Variants in RBPJ observed in about 807,000 individuals in gnomAD.
The protein encoded by RBPJ is recombining binding protein suppressor of hairless.
Under a neutral mutation model 67.8 loss-of-function variants are expected in RBPJ, and 9 were observed. The observed-to-expected ratio is 0.13, with a 90% CI of 0.08 to 0.23. The LOEUF is 0.23. Ranked by LOEUF, RBPJ falls within the 10% of genes least tolerant of loss-of-function variation. The pLI is 1.00. For missense variants in RBPJ, 305 were observed against 595.6 expected (o/e 0.51, Z 5.08); for synonymous variants, 198 against 203.3 (o/e 0.97, Z 0.22).
intron 1 of RBPJ, among the ~76,000 whole-genome samples, chr4:26,273,269 C>T (rs760577772): frequency 4.6e-5 from 7 of 152,202 alleles, no homozygotes; most frequent in Non-Finnish European, 8.8e-5. Context: ...CCTGAGCTGA[C>T]ATTAAAGAGA....
At chr4:26,140,804 C>T in the RBPJ span, among the ~76,000 whole-genome samples, 13 of 148,730 alleles carry the variant, frequency 8.7e-5, no homozygotes, top group African/African-American at 2.8e-4. Flanking sequence ...AGTGGATGCC[C>T]GAGCCCAATC....
intron 1 of RBPJ, among the ~76,000 whole-genome samples, chr4:26,261,124 G>A (rs1720516811): frequency 6.6e-6 from 1 of 152,102 alleles, no homozygotes; most frequent in Admixed American, 6.6e-5. Flanking sequence ...GTTTGGGAAT[G>A]GAAGAAAATA....
At chr4:26,301,115 T>C (rs2109299370) in intron 1 of RBPJ, among the ~76,000 whole-genome samples, 1 of 152,360 alleles carries the variant, frequency 6.6e-6, no homozygotes, top group East Asian at 1.9e-4. Flanking sequence ...ATGTTACATG[T>C]GTTACTTATT....
At chr4:26,212,035 C>T (rs1718442721) in intron 1 of RBPJ, among the ~76,000 whole-genome samples, 1 of 152,132 alleles carries the variant, frequency 6.6e-6, no homozygotes, top group Non-Finnish European at 1.5e-5. Context: ...AACAGAGCAT[C>T]CCTCAGAGCC....
intron 1 of RBPJ, among the ~76,000 whole-genome samples, chr4:26,352,448 T>G (rs1481108828): frequency 6.6e-6 from 1 of 152,176 alleles, no homozygotes; most frequent in East Asian, 1.9e-4. Flanking sequence ...GGTCAGGATT[T>G]CAATATATCT....
At chr4:26,193,111 G>A (rs1157631271) in intron 1 of RBPJ, among the ~76,000 whole-genome samples, 1 of 152,178 alleles carries the variant, frequency 6.6e-6, no homozygotes, top group African/African-American at 2.4e-5. Flanking sequence ...GTGCAGCCCT[G>A]CTGACGTGGC....
intron 1 of RBPJ, among the ~76,000 whole-genome samples, chr4:26,299,087 G>A (rs1446208574): frequency 2.0e-5 from 3 of 152,126 alleles, no homozygotes; most frequent in African/African-American, 4.8e-5. Flanking sequence ...AAGGAATGTA[G>A]CAAGGACATA....
At chr4:26,189,366 G>A (rs1211406237) in intron 1 of RBPJ, among the ~76,000 whole-genome samples, 1 of 152,152 alleles carries the variant, frequency 6.6e-6, no homozygotes, top group Non-Finnish European at 1.5e-5. Flanking sequence ...AGTAGAAAAT[G>A]TATGATTTTG....
intron 1 of RBPJ, among the ~76,000 whole-genome samples, chr4:26,336,655 C>CAAA (rs11394703): frequency 3.6e-5 from 5 of 137,956 alleles, no homozygotes; most frequent in Non-Finnish European, 3.1e-5. Context: ...GTTTCTTTAC[C>CAAA]AAAAAAAAAA....
chr4:26,331,144 A>G (rs1208577773), intron 1 of RBPJ, among the ~76,000 whole-genome samples: 5 of 152,182 alleles, frequency 3.3e-5, no homozygotes, highest in African/African-American at 1.2e-4. Context: ...GCTGTCACGT[A>G]GGCTAGAATG....
At chr4:26,380,386 C>A (rs894267817) in intron 1 of RBPJ, among the ~76,000 whole-genome samples, 1 of 152,062 alleles carries the variant, frequency 6.6e-6, no homozygotes, top group African/African-American at 2.4e-5. Context: ...CTATAATTGT[C>A]CCCCTACTAG....
chr4:26,406,376 T>A (rs1027127791), intron 3 of RBPJ, 106 bp downstream of exon 3: 2 of 697,916 alleles, frequency 2.9e-6, no homozygotes, highest in African/African-American at 3.6e-5. Context: ...TGGGTTCATT[T>A]GCTAGTACAA....
At chr4:26,306,524 A>C (rs1219671121) in intron 1 of RBPJ, among the ~76,000 whole-genome samples, 1 of 151,888 alleles carries the variant, frequency 6.6e-6, no homozygotes. Flanking sequence ...ATCTCCGCTC[A>C]CTGCAACCTC....
At chr4:26,222,820 CAT>C (rs1048921251) in intron 1 of RBPJ, among the ~76,000 whole-genome samples, 24 of 151,966 alleles carry the variant, frequency 1.6e-4, no homozygotes, top group Non-Finnish European at 3.4e-4. Context: ...GTGCATAAAA[CAT>C]ATAATCCTTT....
At chr4:26,292,613 G>A (rs1721708349) in intron 1 of RBPJ, among the ~76,000 whole-genome samples, 2 of 150,082 alleles carry the variant, frequency 1.3e-5, no homozygotes, top group South Asian at 4.2e-4. Context: ...GTAGAGACGA[G>A]GTTTCACCAT....
At chr4:26,263,580 T>G (rs1334795876) in intron 1 of RBPJ, among the ~76,000 whole-genome samples, 2 of 152,182 alleles carry the variant, frequency 1.3e-5, no homozygotes, top group African/African-American at 2.4e-5. Flanking sequence ...GTTTTTTGGT[T>G]GTTGTTTTTG....
intron 1 of RBPJ, chr4:26,362,403 C>A: frequency 7.9e-7 from 1 of 1,260,916 alleles, no homozygotes; most frequent in Non-Finnish European, 1.0e-6. Flanking sequence ...AGCAGTTTAA[C>A]ATACCAACAC....
chr4:26,170,720 A>C (rs1716546820), intron 1 of RBPJ, among the ~76,000 whole-genome samples: 1 of 152,222 alleles, frequency 6.6e-6, no homozygotes, highest in African/African-American at 2.4e-5. Flanking sequence ...TGCGACCTTA[A>C]GAAATAAGAT....
intron 1 of RBPJ, among the ~76,000 whole-genome samples, chr4:26,309,060 G>A (rs1299920640): frequency 6.9e-6 from 1 of 145,712 alleles, no homozygotes; most frequent in Non-Finnish European, 1.5e-5. Context: ...TTGAGACAGA[G>A]TCTTGTGCTG....
Sources: allele counts gnomAD v4.1 joint callset (sites outside exome capture counted in the v4.1 genomes callset), GRCh38; gene constraint gnomAD v4.1.1; transcripts MANE v1.5; gene names NCBI Gene and HGNC (gene_info 2026-07-23, HGNC 2026-07-21).